Variants in RYR1 observed in about 807,000 individuals in gnomAD.
RYR1 encodes the protein central core disease of muscle.
In RYR1, 342 loss-of-function variants were observed where a neutral mutation model predicts 583.5. The observed-to-expected ratio is 0.59, with a 90% CI of 0.54 to 0.64. The LOEUF is 0.64. Among genes scored for constraint, RYR1 ranks in the 30% least tolerant of loss-of-function variants. The pLI is 0.00. For synonymous variants in RYR1, 2,791 were observed against 2,822.5 expected, an observed-to-expected ratio of 0.99 and a Z score of 0.35; for missense variants, 6,032 against 6,917.2, an observed-to-expected ratio of 0.87 and a Z score of 4.54.
rs966154585 is a variant in RYR1 at position 38,494,698 on chromosome 19, T to C, written c.6548+73T>C. 42 of 1,582,798 alleles carry C rather than the reference T, an allele frequency of 2.7e-5. No homozygotes were observed. In the Admixed American group the frequency reaches 4.7e-4, roughly 18 times the overall value. ...GAATACCCTCAGGATACAATAACAT[T>C]CCCTTCCCCAACTTCTGGCCCATCC... On this transcript the variant is annotated intron_variant, in intron 39 of 105. Transcript: ENST00000359596.
chr19:38,506,005 G>T (rs984584585), intron 54 of RYR1, 59 bp downstream of exon 54: 11 of 1,595,188 alleles, frequency 6.9e-6, no homozygotes, highest in Non-Finnish European at 9.4e-6. Flanking sequence ...CTAGAACAAG[G>T]GGCATGGCCA....
chr19:38,580,579 G>T, intron 101 of RYR1, 75 bp downstream of exon 101: 1 of 1,579,674 alleles, frequency 6.3e-7, no homozygotes, highest in Non-Finnish European at 8.7e-7. Context: ...GTACCTCCAG[G>T]CCGGGCGTGG....
At chr19:38,536,841 A>G in intron 83 of RYR1, 74 bp downstream of exon 83, 1 of 1,495,890 alleles carries the variant, frequency 6.7e-7, no homozygotes, top group Non-Finnish European at 9.3e-7. Context: ...CCCTCCACCT[A>G]GGGGCTGAGG....
In RYR1 at chr19:38,537,362, C is replaced by T. The variant is rs1972019867; in HGVS notation, c.11609-518C>T. On this transcript the variant is annotated intron_variant, in intron 83 of 105. Coordinates refer to ENST00000359596, the MANE Select transcript of RYR1 (RefSeq NM_000540.3). ...CTGATTGGCCCTTGTTTACACGCCT[C>T]CCCTGTGCTACTCCTGGATTGGCTG... is the stretch of plus-strand genomic sequence containing the variant. 1.3e-5 allele frequency among the ~76,000 whole-genome samples: 2 copies of T among 152,120 alleles called. 1 individual carries two copies. Among genetic ancestry groups the T allele is most frequent in the South Asian group, 4.1e-4 (2 of 4,832 alleles).
intron 24 of RYR1, among the ~76,000 whole-genome samples, chr19:38,466,722 C>T (rs1395240853): frequency 2.0e-5 from 3 of 152,028 alleles, no homozygotes; most frequent in Non-Finnish European, 4.4e-5. Flanking sequence ...AGGATGGTCT[C>T]GATCTCCTGA....
intron 47 of RYR1, among the ~76,000 whole-genome samples, chr19:38,502,100 G>A (rs1308019169): frequency 6.6e-6 from 1 of 151,382 alleles, no homozygotes; most frequent in Non-Finnish European, 1.5e-5. Flanking sequence ...GAGGCTGCAG[G>A]GAGCTATGAT....
chr19:38,433,697 C>T lies in RYR1; in HGVS notation c.-133C>T. 1.4e-6 allele frequency: 1 copy of T among 735,592 alleles called. No individual in the cohort carries two copies. Among genetic ancestry groups the T allele is most frequent in the Non-Finnish European group, 2.4e-6 (1 of 414,710 alleles). The allele number at this position is 735,592 out of a possible 1,614,324, so 45.6% of individuals were successfully genotyped here. ...CAGCATGCGTGTACTCCTCGCAGTTCCATCTACCTCGCGGGTGCCTCTGGT... is the reference window on the plus strand; with the variant it reads ...CAGCATGCGTGTACTCCTCGCAGTTTCATCTACCTCGCGGGTGCCTCTGGT... On this transcript the variant is annotated 5_prime_UTR_variant, in exon 1 of 106. Coordinates refer to ENST00000359596, the MANE Select transcript of RYR1 (RefSeq NM_000540.3).
intron 88 of RYR1, among the ~76,000 whole-genome samples, chr19:38,547,297 C>T (rs1306253856): frequency 4.6e-5 from 7 of 151,476 alleles, no homozygotes; most frequent in African/African-American, 1.2e-4. Flanking sequence ...GTGATCCTCC[C>T]GCCTCAGCCT....
Position 38,565,650 on chromosome 19 carries a change from C to T in RYR1, c.13316C>T (p.Ala4439Val). ...AGPGGADGAV[A>V]VTDGGPFRPE... ...CCGGGCGGTGCCGACGGGGCGGTGGCCGTGACCGATGGGGGCCCCTTCCGG... is the reference window on the plus strand; with the variant it reads ...CCGGGCGGTGCCGACGGGGCGGTGGTCGTGACCGATGGGGGCCCCTTCCGG... Residue 4439 changes from alanine to valine, a missense_variant, in exon 91 of 106, where the codon GCC (alanine) becomes GTC (valine). Around this residue, in one of 11 missense-constraint regions of RYR1, gnomAD observed 753 missense variants for 759.6 expected, o/e 0.99. Transcript: ENST00000359596. The surrounding 1 kb of genome is among the most constrained non-coding windows in gnomAD (Gnocchi z 4.7). 7.2e-7 allele frequency: 1 copy of T among 1,389,938 alleles called. No homozygotes were observed. The highest frequency in any genetic ancestry group is 9.2e-7 in the Non-Finnish European group (1 of 1,082,812). The allele number at this position is 1,389,938 out of a possible 1,614,324, so 86.1% of individuals were successfully genotyped here. A position where few individuals can be genotyped will look rare whatever the true frequency, so the allele number is the denominator to read the frequency against.
intron 24 of RYR1, 81 bp from the exon 25 acceptor site, chr19:38,467,529 G>A: frequency 1.4e-6 from 2 of 1,457,274 alleles, no homozygotes; most frequent in Non-Finnish European, 1.9e-6. Context: ...GTCCCCCAAA[G>A]CCTGTCTTCT....
At chr19:38,557,563 A>C (rs1335714859) in intron 89 of RYR1, among the ~76,000 whole-genome samples, 2 of 152,180 alleles carry the variant, frequency 1.3e-5, no homozygotes, top group African/African-American at 4.8e-5. Context: ...GGGACAGTAA[A>C]TGGAAAGGCT....
rs1207904874 is a variant in RYR1, at chr19:38,506,834, G to A, written c.8698G>A (p.Gly2900Arg). The A allele has an allele frequency of 6.2e-7, 1 of 1,614,082 alleles. No individual in the cohort carries two copies. ...KKQELEAKGG[G>R]THPLLVPYDT... ...TCTGGTCTTTGCCTCCCCAGGCGGT[G>A]GGACCCACCCCCTGCTGGTCCCCTA... Residue 2900 changes from glycine (G) to arginine (R), a missense_variant, in exon 57 of 106, where the codon GGG becomes AGG. Transcript: ENST00000359596.
At chr19:38,579,513 C>T (rs894849556) in intron 99 of RYR1, among the ~76,000 whole-genome samples, 3 of 151,014 alleles carry the variant, frequency 2.0e-5, no homozygotes, top group Non-Finnish European at 4.4e-5. Flanking sequence ...TCACTTGAAC[C>T]TGAGAGGCGG....
intron 31 of RYR1, 140 bp from the exon 32 acceptor site, chr19:38,482,887 C>CT (rs1485802325): frequency 1.3e-6 from 1 of 761,688 alleles, no homozygotes; most frequent in African/African-American, 1.7e-5. Flanking sequence ...GTGGGACAGT[C>CT]TAAGGGTGAC....
chr19:38,566,276 C>T (rs1304343943), intron 91 of RYR1, among the ~76,000 whole-genome samples: 1 of 151,440 alleles, frequency 6.6e-6, no homozygotes, highest in East Asian at 1.9e-4. Flanking sequence ...TGGTGGAACC[C>T]CGTCTCTACT....
At chr19:38,477,590 A>G in intron 29 of RYR1, 120 bp from the exon 30 acceptor site, 1 of 1,283,858 alleles carries the variant, frequency 7.8e-7, no homozygotes, top group African/African-American at 1.5e-5. Flanking sequence ...ACTCAGATCC[A>G]ACAACTTCCT....
intron 87 of RYR1, among the ~76,000 whole-genome samples, chr19:38,545,945 G>A (rs567254551): frequency 9.1e-4 from 139 of 152,260 alleles, no homozygotes; most frequent in South Asian, 1.7e-3. Flanking sequence ...CTACACTGTG[G>A]CCCTATGTTC....
Position 38,436,846 on chromosome 19 carries a change from C to T in RYR1, c.45+2972C>T, listed in dbSNP as rs1360906222. ...GGCCACAGCCCCCCCAAACTGATTT[C>T]ACTTCCCTTTGGTGGGTGGTGACCT... On this transcript the variant is annotated intron_variant, in intron 1 of 105. Transcript: ENST00000359596. 7.9e-5 allele frequency among the ~76,000 whole-genome samples: 12 copies of T among 152,186 alleles called. No homozygotes were observed. In the East Asian group the frequency reaches 2.3e-3, roughly 29 times the overall value.
In RYR1 at chr19:38,565,804, A is replaced by G. The variant is rs910959848; in HGVS notation, c.13437+33A>G. 8.0e-6 allele frequency: 11 copies of G among 1,372,686 alleles called. No homozygotes were observed. The highest frequency in any genetic ancestry group is 1.0e-5 in the Non-Finnish European group (11 of 1,071,314). 85.0% of individuals were successfully genotyped at this position (1,372,686 alleles called of 1,614,324 possible). A position where few individuals can be genotyped will look rare whatever the true frequency, so the allele number is the denominator to read the frequency against. ...AGCAGGCGGGGTTTTGGGGTTTTGG[A>G]AAGATGGGGGATTGGAGGGAGGAAG... On this transcript the variant is annotated intron_variant, in intron 91 of 105. Coordinates refer to ENST00000359596, the MANE Select transcript of RYR1 (RefSeq NM_000540.3). The surrounding 1 kb of genome is among the most constrained non-coding windows in gnomAD (Gnocchi z 4.7).
Sources: allele counts gnomAD v4.1 joint callset (sites outside exome capture counted in the v4.1 genomes callset), GRCh38; gene constraint gnomAD v4.1.1; regional missense constraint gnomAD v4.1.1; non-coding constraint Gnocchi (gnomAD v3.1); transcripts MANE v1.5; gene names NCBI Gene and HGNC (gene_info 2026-07-23, HGNC 2026-07-21).